Variants in CAMKMT observed in about 807,000 individuals in gnomAD.
CAMKMT encodes the protein calmodulin-lysine N-methyltransferase, also known as CaM KMT.
In CAMKMT, 53 loss-of-function variants were observed where a neutral mutation model predicts 48.0. The observed-to-expected ratio is 1.10, with a 90% CI of 0.89 to 1.39. The LOEUF is 1.39. Among genes scored for constraint, CAMKMT ranks in the 40% most tolerant of loss-of-function variants. CAMKMT has a pLI of 0.00. For missense variants in CAMKMT, 428 were observed against 402.7 expected (o/e 1.06, Z -0.54); for synonymous variants, 165 against 152.3 (o/e 1.08, Z -0.61).
intron 3 of CAMKMT, among the ~76,000 whole-genome samples, chr2:44,430,419 A>G (rs1479260825): frequency 6.6e-6 from 1 of 151,698 alleles, no homozygotes; most frequent in African/African-American, 2.4e-5. Flanking sequence ...GCAGCCTCTC[A>G]TCAGTGGACA....
Position 44,519,660 on chromosome 2 carries a change from CA to C in CAMKMT, c.376+129361del, listed in dbSNP as rs571046274. ...TGGTATGTTTAAAAACGAAACAAAA[CA>C]AAAAAGTGTGACTTAGGACACAGGA... On this transcript the variant is annotated intron_variant, in intron 3 of 10. Transcript: ENST00000378494. Among the ~76,000 whole-genome samples the C allele has an allele frequency of 2.6e-5, 4 of 152,110 alleles. No homozygotes were observed. The South Asian group carries it at 8.3e-4, about 32-fold the overall frequency.
At chr2:44,509,101 A>AAAAC (rs1450252412) in intron 3 of CAMKMT, among the ~76,000 whole-genome samples, 1 of 151,592 alleles carries the variant, frequency 6.6e-6, no homozygotes, top group Non-Finnish European at 1.5e-5. Flanking sequence ...ATGTCAAAAA[A>AAAAC]AAAAAAATTA....
intron 3 of CAMKMT, among the ~76,000 whole-genome samples, chr2:44,617,771 A>T (rs904860308): frequency 6.6e-6 from 1 of 152,208 alleles, no homozygotes; most frequent in Admixed American, 6.5e-5. Context: ...ATTTTCTCTG[A>T]GTGAGCATTC....
intron 3 of CAMKMT, among the ~76,000 whole-genome samples, chr2:44,695,228 T>G (rs946992341): frequency 1.3e-5 from 2 of 152,196 alleles, no homozygotes; most frequent in African/African-American, 2.4e-5. Context: ...ACAGATAAAT[T>G]GCATGTCACG....
At position 44,428,713 on chromosome 2, in the gene CAMKMT, A is replaced by T. The variant is rs567755732; in HGVS notation, c.376+38408A>T. Among the ~76,000 whole-genome samples the T allele has an allele frequency of 1.3e-4, 20 of 152,322 alleles. No individual in the cohort carries two copies. The Middle Eastern group carries it at 0.024, about 181-fold the overall frequency. Reference sequence around the variant, plus strand: ...TGTATGTCTGTATGTATGTATATATATCTTCAATTTTCTCAGACTTCATAC... The same window carrying T: ...TGTATGTCTGTATGTATGTATATATTTCTTCAATTTTCTCAGACTTCATAC... On this transcript the variant is annotated intron_variant, in intron 3 of 10. Coordinates refer to ENST00000378494, the MANE Select transcript of CAMKMT (RefSeq NM_024766.5).
At chr2:44,435,071 G>A (rs1038387536) in intron 3 of CAMKMT, among the ~76,000 whole-genome samples, 5 of 152,044 alleles carry the variant, frequency 3.3e-5, no homozygotes, top group South Asian at 2.1e-4. Context: ...ATTTACATAC[G>A]TAAATACTAC....
In CAMKMT at chr2:44,555,358, C is replaced by A. The variant is rs1345075348; in HGVS notation, c.377-148925C>A. Reference sequence around the variant, plus strand: ...AAAGTGTGGGATAAGGGACAAGGGACAGGTGGGAGTCAGACACATCTGACG... The same window carrying A: ...AAAGTGTGGGATAAGGGACAAGGGAAAGGTGGGAGTCAGACACATCTGACG... On this transcript the variant is annotated intron_variant, in intron 3 of 10. Coordinates refer to ENST00000378494, the MANE Select transcript of CAMKMT (RefSeq NM_024766.5). Among the ~76,000 whole-genome samples the A allele has an allele frequency of 2.6e-5, 4 of 152,222 alleles. No homozygotes were observed. In the Middle Eastern group the frequency reaches 0.01, roughly 388 times the overall value.
chr2:44,434,215 G>A (rs910352922), intron 3 of CAMKMT, among the ~76,000 whole-genome samples: 3 of 132,890 alleles, frequency 2.3e-5, no homozygotes, highest in South Asian at 2.8e-4. Context: ...GCTGCTGTAC[G>A]TTTGTGAGGG....
intron 2 of CAMKMT, among the ~76,000 whole-genome samples, chr2:44,373,681 G>A (rs753183238): frequency 1.3e-5 from 2 of 152,080 alleles, no homozygotes; most frequent in African/African-American, 4.8e-5. Flanking sequence ...TTCACAAAGG[G>A]TATCTTTTTA....
chr2:44,395,863 A>G (rs1167514209), intron 3 of CAMKMT, among the ~76,000 whole-genome samples: 3 of 152,144 alleles, frequency 2.0e-5, no homozygotes, highest in Non-Finnish European at 2.9e-5. Flanking sequence ...ATCATACATT[A>G]TTTTGTTATG....
chr2:44,616,446 A>AT (rs879376783), intron 3 of CAMKMT, among the ~76,000 whole-genome samples: 12 of 150,980 alleles, frequency 7.9e-5, no homozygotes, highest in East Asian at 5.8e-4. Flanking sequence ...CAAAACCCAC[A>AT]TTTTTTTTTA....
chr2:44,586,231 A>C (rs1024887251), intron 3 of CAMKMT, among the ~76,000 whole-genome samples: 3 of 152,126 alleles, frequency 2.0e-5, no homozygotes, highest in Non-Finnish European at 1.5e-5. Context: ...CTTGGATAGA[A>C]TTTTTTGAAA....
In CAMKMT at chr2:44,743,623, G is replaced by A. The variant is rs202168145; in HGVS notation, c.625G>A (p.Val209Ile). 61 of 1,610,290 alleles carry A rather than the reference G, an allele frequency of 3.8e-5. 1 individual carries two copies. Among genetic ancestry groups the A allele is most frequent in the Admixed American group, 1.2e-4 (7 of 59,606 alleles). Residue 209 changes from valine (V) to isoleucine (I), a missense_variant and splice_region_variant, in exon 8 of 11, where the codon GTT (valine) becomes ATT (isoleucine). Physicochemically the swap from Val to Ile is conservative, Grantham distance 29. Transcript: ENST00000378494. ...VFKTQKISSC[V>I]LRWDNETDVS... ...TTTTAAAATCTTTTTCTCCTCAAGC[G>A]TTTTACGATGGGATAATGAGACAGA...
chr2:44,722,810 T>C (rs1678542183), intron 7 of CAMKMT, among the ~76,000 whole-genome samples: 1 of 152,200 alleles, frequency 6.6e-6, no homozygotes, highest in Non-Finnish European at 1.5e-5. Context: ...TGTAAGTTAA[T>C]CAGCTGTCAT....
At chr2:44,760,285 C>T (rs1680562579) in intron 9 of CAMKMT, among the ~76,000 whole-genome samples, 1 of 151,914 alleles carries the variant, frequency 6.6e-6, no homozygotes. Context: ...TAAGAAAAAT[C>T]ATGGTGTGTT....
intron 3 of CAMKMT, among the ~76,000 whole-genome samples, chr2:44,520,403 C>A (rs1253380326): frequency 6.6e-6 from 1 of 152,080 alleles, no homozygotes; most frequent in Non-Finnish European, 1.5e-5. Context: ...AGGAGTGAGC[C>A]ACTGCATCCA....
rs553639882 is a variant in CAMKMT at position 44,675,080 on chromosome 2, G to T, written c.377-29203G>T. ...ATGCTCGGGATTTACCAACCTTAAG[G>T]GGGGGAAAAAAAAAAAGGCAAGCCA... On this transcript the variant is annotated intron_variant, in intron 3 of 10. Transcript: ENST00000378494. 4.1e-5 allele frequency among the ~76,000 whole-genome samples: 6 copies of T among 145,626 alleles called. No homozygotes were observed. In the East Asian group the frequency reaches 8.3e-4, roughly 20 times the overall value.
At chr2:44,510,515 A>G (rs1053664466) in intron 3 of CAMKMT, among the ~76,000 whole-genome samples, 15 of 152,160 alleles carry the variant, frequency 9.9e-5, no homozygotes, top group African/African-American at 3.6e-4. Flanking sequence ...CCATTACAAC[A>G]CTACTATTTT....
chr2:44,508,948 T>C (rs1670395658), intron 3 of CAMKMT, among the ~76,000 whole-genome samples: 1 of 151,764 alleles, frequency 6.6e-6, no homozygotes, highest in South Asian at 2.1e-4. Context: ...ATACAAAAAT[T>C]AGCCGGGTGT....
Sources: gnomAD v4.1 joint callset for allele counts (sites outside exome capture counted in the v4.1 genomes callset) on GRCh38, gnomAD v4.1.1 for gene constraint, MANE v1.5 for transcripts, NCBI Gene and HGNC (gene_info 2026-07-23, HGNC 2026-07-21) for gene names.